TRIM44: variants seen among roughly 807,000 people sequenced by gnomAD.
TRIM44 encodes tripartite motif containing 44, also known as tripartite motif-containing protein 44.
A neutral mutation model predicts 37.4 loss-of-function variants in TRIM44; 13 were observed. The ratio of observed to expected loss-of-function variants is 0.35; its 90% CI spans 0.23 to 0.55. The LOEUF is 0.55. Among genes scored for constraint, TRIM44 ranks in the 20% least tolerant of loss-of-function variants. TRIM44 has a pLI of 0.89. For synonymous variants in TRIM44, 175 were observed against 157.2 expected (o/e 1.11, Z -0.85); for missense variants, 426 against 437.2 (o/e 0.97, Z 0.23).
intron 3 of TRIM44, among the ~76,000 whole-genome samples, chr11:35,726,587 G>A (rs576347805): frequency 6.6e-6 from 1 of 151,958 alleles, no homozygotes; most frequent in South Asian, 2.1e-4. Flanking sequence ...ATAGTGAAAA[G>A]GTGTCTCAAG....
At chr11:35,722,462 G>A (rs1291143461) in intron 2 of TRIM44, among the ~76,000 whole-genome samples, 1 of 152,232 alleles carries the variant, frequency 6.6e-6, no homozygotes, top group Non-Finnish European at 1.5e-5. Flanking sequence ...TACTCCATAG[G>A]CAGAGCAGCC....
At chr11:35,759,793 G>A (rs771647270) in intron 4 of TRIM44, among the ~76,000 whole-genome samples, 22 of 152,312 alleles carry the variant, frequency 1.4e-4, no homozygotes, top group Admixed American at 3.3e-4. Flanking sequence ...TATCAGCAGC[G>A]GAGCCTGCAG....
Position 35,663,431 on chromosome 11 carries a change from C to T in TRIM44, c.320C>T (p.Ser107Leu). Residue 107 changes from serine (S) to leucine (L), a missense_variant, in exon 1 of 5, where the codon TCA becomes TTA. Physicochemically the swap from Ser to Leu is moderately radical, Grantham distance 145 (BLOSUM62 -2). Coordinates refer to ENST00000299413, the MANE Select transcript of TRIM44 (RefSeq NM_017583.6). ...AGTGAGTCGGAGGAAGAGAGCGAGT[C>T]AGAGGAAGAGAGCGAGACAGAGGAA... ...EESESEEESE[S>L]EEESETEEES... 1.9e-6 allele frequency: 3 copies of T among 1,567,520 alleles called. No individual in the cohort carries two copies. The highest frequency in any genetic ancestry group is 1.2e-5 in the South Asian group (1 of 86,826).
At chr11:35,758,587 C>T (rs1170880930) in intron 4 of TRIM44, among the ~76,000 whole-genome samples, 1 of 152,168 alleles carries the variant, frequency 6.6e-6, no homozygotes, top group Non-Finnish European at 1.5e-5. Context: ...GCAGTTTCTT[C>T]CCAGCCTCAA....
intron 4 of TRIM44, among the ~76,000 whole-genome samples, chr11:35,763,012 A>G (rs1202336541): frequency 4.6e-5 from 7 of 152,198 alleles, no homozygotes; most frequent in Non-Finnish European, 1.0e-4. Flanking sequence ...GAATACACAG[A>G]TGACCTTGGA....
At chr11:35,748,114 C>T (rs1394509747) in intron 4 of TRIM44, among the ~76,000 whole-genome samples, 2 of 152,042 alleles carry the variant, frequency 1.3e-5, no homozygotes, top group Non-Finnish European at 2.9e-5. Flanking sequence ...AAGATTGTCA[C>T]GTAGGCTGTG....
chr11:35,710,329 C>A (rs1464725749), intron 2 of TRIM44, among the ~76,000 whole-genome samples: 2 of 152,104 alleles, frequency 1.3e-5, no homozygotes, highest in Non-Finnish European at 2.9e-5. Flanking sequence ...TCATTTGAAT[C>A]CTGTTCCATT....
chr11:35,775,392 A>G (rs953254490), intron 4 of TRIM44, among the ~76,000 whole-genome samples: 1 of 152,212 alleles, frequency 6.6e-6, no homozygotes, highest in African/African-American at 2.4e-5. Context: ...GATTTTCTAA[A>G]TATACAATCA....
chr11:35,681,451 G>A (rs1851520473), intron 1 of TRIM44, among the ~76,000 whole-genome samples: 1 of 152,108 alleles, frequency 6.6e-6, no homozygotes, highest in African/African-American at 2.4e-5. Context: ...TCACAATGTA[G>A]CACTTATCTC....
intron 4 of TRIM44, among the ~76,000 whole-genome samples, chr11:35,749,110 C>T (rs976386582): frequency 3.9e-5 from 6 of 152,076 alleles, no homozygotes; most frequent in African/African-American, 1.2e-4. Context: ...GGAGGAGAAA[C>T]ATGGCATTCA....
chr11:35,663,423 G>A lies in TRIM44; in HGVS notation c.312G>A (p.Glu104=), dbSNP rs773066349. Residue 104 remains glutamate, a synonymous_variant, in exon 1 of 5, where the codon GAG becomes GAA. Coordinates refer to ENST00000299413, the MANE Select transcript of TRIM44 (RefSeq NM_017583.6). The part of the protein sequence containing the change: ...EAGEESESEE[E]SESEEESETE... ...GGGAAGAGAGTGAGTCGGAGGAAGA[G>A]AGCGAGTCAGAGGAAGAGAGCGAGA... 3 of 1,570,510 alleles carry A rather than the reference G, an allele frequency of 1.9e-6. No homozygotes were observed. The highest frequency in any genetic ancestry group is 4.7e-5 in the East Asian group (2 of 42,578).
At chr11:35,717,218 A>C (rs1401324393) in intron 2 of TRIM44, among the ~76,000 whole-genome samples, 1 of 152,180 alleles carries the variant, frequency 6.6e-6, no homozygotes, top group Admixed American at 6.5e-5. Flanking sequence ...AGTGTAGAGT[A>C]GTGCTTCTCT....
At chr11:35,785,830 A>G (rs1853125009) in intron 4 of TRIM44, among the ~76,000 whole-genome samples, 1 of 152,222 alleles carries the variant, frequency 6.6e-6, no homozygotes, top group Non-Finnish European at 1.5e-5. Context: ...TCCCTGCCAT[A>G]TGCATATACT....
intron 2 of TRIM44, among the ~76,000 whole-genome samples, chr11:35,710,222 A>AG (rs1331868611): frequency 7.9e-5 from 12 of 152,172 alleles, no homozygotes; most frequent in African/African-American, 2.9e-4. Context: ...AGTCCTTTTC[A>AG]GGCCATATTT....
intron 4 of TRIM44, among the ~76,000 whole-genome samples, chr11:35,782,340 T>C (rs576061623): frequency 1.3e-5 from 2 of 152,302 alleles, no homozygotes; most frequent in South Asian, 2.1e-4. Context: ...CCTATACTTA[T>C]GTATAGGGCT....
intron 3 of TRIM44, among the ~76,000 whole-genome samples, chr11:35,729,825 C>A (rs143329863): frequency 6.6e-6 from 1 of 152,150 alleles, no homozygotes; most frequent in Admixed American, 6.6e-5. Context: ...TATAACTCAT[C>A]ATGTCCAGGA....
chr11:35,694,334 G>T (rs1220532299), intron 2 of TRIM44, among the ~76,000 whole-genome samples: 1 of 152,072 alleles, frequency 6.6e-6, no homozygotes, highest in Non-Finnish European at 1.5e-5. Context: ...TCCTGGCAGT[G>T]TTCTCTTTAA....
At position 35,703,122 on chromosome 11, in the gene TRIM44, G is replaced by A. The variant is rs56655211; in HGVS notation, c.747+17786G>A. 9.5e-3 allele frequency among the ~76,000 whole-genome samples: 1,447 copies of A among 152,350 alleles called. 10 individuals carry two copies. The highest frequency in any genetic ancestry group is 0.014 in the Non-Finnish European group (973 of 68,026). ...GAGATTATATCCCGCACATGGCTCG[G>A]AGGGTCCTATGCCCACAGAGTCTCG... On this transcript the variant is annotated intron_variant, in intron 2 of 4. Transcript: ENST00000299413.
chr11:35,734,664 C>T (rs553241240), intron 3 of TRIM44, among the ~76,000 whole-genome samples: 152 of 152,300 alleles, frequency 1.0e-3, no homozygotes, highest in African/African-American at 3.4e-3. Flanking sequence ...CTAATTTGAT[C>T]ACAGAAGGAA....
Sources: allele counts gnomAD v4.1 joint callset (sites outside exome capture counted in the v4.1 genomes callset), GRCh38; gene constraint gnomAD v4.1.1; transcripts MANE v1.5; gene names NCBI Gene and HGNC (gene_info 2026-07-23, HGNC 2026-07-21).